CCDC178: variants seen among roughly 807,000 people sequenced by gnomAD.
The protein encoded by CCDC178 is coiled-coil domain-containing protein 178.
In CCDC178, 126 loss-of-function variants were observed where a neutral mutation model predicts 117.4. The ratio of observed to expected loss-of-function variants is 1.07; its 90% confidence interval spans 0.93 to 1.24. The LOEUF (loss-of-function observed/expected upper bound fraction) is 1.24. CCDC178 is among the 50% of genes most tolerant of loss of function. The probability of loss-of-function intolerance (pLI) is 0.00; values close to 1 mark genes in which losing one functional copy is unlikely to be tolerated. For synonymous variants in CCDC178, 283 were observed against 313.4 expected, an observed-to-expected ratio of 0.90 and a Z score of 1.02; for missense variants, 1,030 against 986.9, an observed-to-expected ratio of 1.04 and a Z score of -0.59.
chr18:32,967,404 C>A (rs2054837489), intron 22 of CCDC178, among the ~76,000 whole-genome samples: 1 of 151,366 alleles, frequency 6.6e-6, no homozygotes, highest in Non-Finnish European at 1.5e-5. Context: ...TAGACTATAT[C>A]TTTTATTAAC....
At chr18:33,099,870 C>A (rs1020288934) in intron 20 of CCDC178, among the ~76,000 whole-genome samples, 1 of 151,970 alleles carries the variant, frequency 6.6e-6, no homozygotes, top group Non-Finnish European at 1.5e-5. Flanking sequence ...TTGTCCAAGG[C>A]GAGTTCTCTG....
chr18:33,032,596 T>C (rs886721940), intron 21 of CCDC178, among the ~76,000 whole-genome samples: 6 of 152,056 alleles, frequency 3.9e-5, no homozygotes, highest in African/African-American at 1.4e-4. Context: ...CTAGTATAGG[T>C]TGTTAGGGAC....
chr18:33,286,914 C>T (rs1435234328), intron 12 of CCDC178, among the ~76,000 whole-genome samples: 1 of 151,898 alleles, frequency 6.6e-6, no homozygotes, highest in East Asian at 1.9e-4. Context: ...TATTCTGAAC[C>T]TTGGGAGTAG....
intron 21 of CCDC178, among the ~76,000 whole-genome samples, chr18:33,091,085 C>A (rs2057454432): frequency 6.6e-6 from 1 of 152,032 alleles, no homozygotes; most frequent in African/African-American, 2.4e-5. Flanking sequence ...TTTTTGCTCC[C>A]CCCCGATTAG....
intron 20 of CCDC178, among the ~76,000 whole-genome samples, chr18:33,146,174 A>C (rs1323621989): frequency 6.6e-6 from 1 of 152,226 alleles, no homozygotes; most frequent in Non-Finnish European, 1.5e-5. Flanking sequence ...GTGAGCAATG[A>C]ATTCGAAACA....
At chr18:33,070,996 A>G (rs1199244239) in intron 21 of CCDC178, among the ~76,000 whole-genome samples, 2 of 152,154 alleles carry the variant, frequency 1.3e-5, no homozygotes, top group South Asian at 2.1e-4. Flanking sequence ...CTTCAAATCA[A>G]TTAAGGATAA....
At chr18:33,054,418 A>G (rs1052529087) in intron 21 of CCDC178, among the ~76,000 whole-genome samples, 1 of 152,078 alleles carries the variant, frequency 6.6e-6, no homozygotes, top group Non-Finnish European at 1.5e-5. Flanking sequence ...TTGATGCTCT[A>G]CCTGCCCCCC....
chr18:33,339,904 T>C (rs1345118551), intron 9 of CCDC178, among the ~76,000 whole-genome samples: 1 of 151,996 alleles, frequency 6.6e-6, no homozygotes, highest in Non-Finnish European at 1.5e-5. Context: ...TTATCAGCAG[T>C]GTGAAAATGA....
intron 21 of CCDC178, among the ~76,000 whole-genome samples, chr18:32,978,164 TTTAAGGATCA>T (rs2144704576): frequency 6.6e-6 from 1 of 151,530 alleles, no homozygotes; most frequent in South Asian, 2.1e-4. Context: ...CAGAGAAGTT[TTTAAGGATCA>T]ACTAAGAAAG....
At chr18:33,300,040 T>C (rs745473061) in intron 11 of CCDC178, among the ~76,000 whole-genome samples, 1 of 152,196 alleles carries the variant, frequency 6.6e-6, no homozygotes, top group Non-Finnish European at 1.5e-5. Context: ...GTTTCGGTCA[T>C]GGGGATGGAT....
At chr18:33,091,542 G>A (rs935973920) in intron 21 of CCDC178, among the ~76,000 whole-genome samples, 2 of 151,558 alleles carry the variant, frequency 1.3e-5, no homozygotes, top group Non-Finnish European at 2.9e-5. Context: ...TCACCATGTT[G>A]GCCAGGCTGG....
At chr18:33,419,562 A>G (rs2068088614) in intron 2 of CCDC178, among the ~76,000 whole-genome samples, 3 of 152,230 alleles carry the variant, frequency 2.0e-5, no homozygotes, top group South Asian at 2.1e-4. Flanking sequence ...TCCAGAATCT[A>G]TAAGGAACTT....
At chr18:33,154,311 G>C (rs569098736) in intron 20 of CCDC178, among the ~76,000 whole-genome samples, 3 of 152,224 alleles carry the variant, frequency 2.0e-5, no homozygotes, top group African/African-American at 7.2e-5. Context: ...AGAAAAATAA[G>C]AGTGTCTGGA....
At chr18:32,951,437 G>C (rs1296949971) in intron 22 of CCDC178, among the ~76,000 whole-genome samples, 1 of 152,154 alleles carries the variant, frequency 6.6e-6, no homozygotes, top group Non-Finnish European at 1.5e-5. Context: ...TGGCAGGAGA[G>C]AGAATGAGTG....
intron 20 of CCDC178, among the ~76,000 whole-genome samples, chr18:33,154,534 T>C (rs1237685783): frequency 2.0e-5 from 3 of 152,040 alleles, no homozygotes; most frequent in Admixed American, 6.6e-5. Flanking sequence ...AATATAAATA[T>C]GGAATTAAAG....
intron 20 of CCDC178, among the ~76,000 whole-genome samples, chr18:33,209,103 T>C (rs1331960591): frequency 1.3e-5 from 2 of 152,120 alleles, no homozygotes; most frequent in South Asian, 2.1e-4. Flanking sequence ...AGGACAAACA[T>C]CACTAGCTAG....
intron 20 of CCDC178, among the ~76,000 whole-genome samples, chr18:33,133,744 T>A (rs980036363): frequency 2.6e-5 from 4 of 151,954 alleles, no homozygotes; most frequent in Non-Finnish European, 4.4e-5. Flanking sequence ...TATATGCCTA[T>A]TTATGAATGG....
At chr18:33,080,854 T>A (rs1001103978) in intron 21 of CCDC178, among the ~76,000 whole-genome samples, 15 of 152,196 alleles carry the variant, frequency 9.9e-5, no homozygotes, top group African/African-American at 3.6e-4. Flanking sequence ...GCATGGTGAC[T>A]GCCACACAGA....
At chr18:32,969,174 T>C (rs1040608607) in intron 22 of CCDC178, among the ~76,000 whole-genome samples, 1 of 152,004 alleles carries the variant, frequency 6.6e-6, no homozygotes, top group Non-Finnish European at 1.5e-5. Flanking sequence ...GAGATGAAGA[T>C]GAAGAAATAA....
Sources: allele counts gnomAD v4.1 joint callset (sites outside exome capture counted in the v4.1 genomes callset), GRCh38; gene constraint gnomAD v4.1.1; transcripts MANE v1.5; gene names NCBI Gene and HGNC (gene_info 2026-07-23, HGNC 2026-07-21).